SHROOM3: variants seen among roughly 807,000 people sequenced by gnomAD.
SHROOM3 encodes shroom family member 3, also known as protein Shroom3.
In SHROOM3, 47 loss-of-function variants were observed where a neutral mutation model predicts 138.6. The observed-to-expected ratio is 0.34, with a 90% CI of 0.27 to 0.43. SHROOM3 has a LOEUF of 0.43. SHROOM3 is among the 20% of genes least tolerant of loss of function. The pLI, the probability that SHROOM3 is intolerant of heterozygous loss-of-function variation, is 1.00. For synonymous variants in SHROOM3, 1,062 were observed against 1,063.3 expected (o/e 1.00, Z 0.02); for missense variants, 2,491 against 2,596.5 (o/e 0.96, Z 0.88).
intron 1 of SHROOM3, among the ~76,000 whole-genome samples, chr4:76,481,219 A>G (rs1731601840): frequency 6.6e-6 from 1 of 151,636 alleles, no homozygotes; most frequent in Admixed American, 6.6e-5. Flanking sequence ...ACATTAACAA[A>G]ATAGACTGCT....
At chr4:76,584,813 G>A (rs1226317804) in intron 2 of SHROOM3, among the ~76,000 whole-genome samples, 1 of 152,092 alleles carries the variant, frequency 6.6e-6, no homozygotes, top group African/African-American at 2.4e-5. Context: ...GTGGGGAGAG[G>A]AAAACATAAA....
At chr4:76,533,537 G>A (rs1732875976) in intron 1 of SHROOM3, among the ~76,000 whole-genome samples, 1 of 152,178 alleles carries the variant, frequency 6.6e-6, no homozygotes, top group Admixed American at 6.5e-5. Flanking sequence ...GCAATTGTGG[G>A]AAGAGGACAG....
intron 2 of SHROOM3, among the ~76,000 whole-genome samples, chr4:76,692,710 C>T (rs113435921): frequency 5.9e-5 from 9 of 152,118 alleles, no homozygotes; most frequent in African/African-American, 2.2e-4. Flanking sequence ...ATACAAAAAC[C>T]TGGATGAGTC....
intron 2 of SHROOM3, among the ~76,000 whole-genome samples, chr4:76,678,712 G>C (rs914727597): frequency 6.6e-6 from 1 of 152,136 alleles, no homozygotes; most frequent in African/African-American, 2.4e-5. Context: ...TCAGGCTGGA[G>C]TGCAATGGCG....
rs770302528 is a variant in SHROOM3 at position 76,754,634 on chromosome 4, C to T, written c.4151C>T (p.Ala1384Val). The T allele has an allele frequency of 6.2e-7, 1 of 1,614,166 alleles. No individual in the cohort carries two copies. The highest frequency in any genetic ancestry group is 8.5e-7 in the Non-Finnish European group (1 of 1,180,010). Residue 1384 changes from alanine to valine, a missense_variant, in exon 7 of 11, where the codon GCC becomes GTC. Ala to Val is a moderately conservative substitution (Grantham distance 64). This residue lies in a region of SHROOM3 where 1,733 missense variants were observed against 1,661.6 expected (regional missense o/e 1.04). Transcript: ENST00000296043. ...GRQPLPPYTP[A>V]MMHRSNGHTL... ...CAGCCTCTCCCGCCCTACACCCCTG[C>T]CATGATGCACAGAAGCAATGGTCAC...
At chr4:76,573,940 C>T (rs533686142) in intron 2 of SHROOM3, among the ~76,000 whole-genome samples, 3 of 152,104 alleles carry the variant, frequency 2.0e-5, no homozygotes, top group East Asian at 3.9e-4. Flanking sequence ...CTAGAGACCT[C>T]GAAATTGAGC....
At chr4:76,512,916 C>T (rs1233399774) in intron 1 of SHROOM3, among the ~76,000 whole-genome samples, 1 of 152,146 alleles carries the variant, frequency 6.6e-6, no homozygotes, top group East Asian at 1.9e-4. Context: ...TGGATCATAA[C>T]CAACTTCTTT....
intron 1 of SHROOM3, among the ~76,000 whole-genome samples, chr4:76,479,472 G>A (rs1489256787): frequency 1.3e-5 from 2 of 151,982 alleles, no homozygotes; most frequent in African/African-American, 4.8e-5. Context: ...CCAAAAAATA[G>A]GGGACTATGT....
chr4:76,537,784 C>T (rs930746527), intron 1 of SHROOM3, among the ~76,000 whole-genome samples: 7 of 152,158 alleles, frequency 4.6e-5, no homozygotes, highest in African/African-American at 9.7e-5. Flanking sequence ...TCTATTCTGC[C>T]GCCTTGCTCC....
chr4:76,628,146 A>G (rs1735201523), intron 2 of SHROOM3, among the ~76,000 whole-genome samples: 1 of 152,244 alleles, frequency 6.6e-6, no homozygotes, highest in Non-Finnish European at 1.5e-5. Flanking sequence ...GGCTTTAAAA[A>G]GTTTTAGAAA....
chr4:76,662,995 T>A (rs1718582056), intron 2 of SHROOM3, among the ~76,000 whole-genome samples: 1 of 152,104 alleles, frequency 6.6e-6, no homozygotes, highest in African/African-American at 2.4e-5. Context: ...CTGAGAGCCA[T>A]GTCTCTAGAT....
rs969825956 is a variant in SHROOM3, at chr4:76,757,953, T to A, written c.5198+1016T>A. On this transcript the variant is annotated intron_variant, in intron 8 of 10. Coordinates refer to ENST00000296043, the MANE Select transcript of SHROOM3 (RefSeq NM_020859.4). The stretch of plus-strand genomic sequence containing the variant: ...TTTATCCAAATTTGGGATTGCATTT[T>A]AAAAATTTCCAACTGATCCTAACTA... 2.0e-5 allele frequency: 3 copies of A among 152,172 alleles called. No homozygotes were observed. The South Asian group carries it at 6.2e-4, about 32-fold the overall frequency. 9.4% of individuals were successfully genotyped at this position (152,172 alleles called of 1,614,324 possible). A position where few individuals can be genotyped will look rare whatever the true frequency, so the allele number is the denominator to read the frequency against.
intron 2 of SHROOM3, among the ~76,000 whole-genome samples, chr4:76,596,581 A>AACACACACACACACACACAC (rs58214296): frequency 2.9e-5 from 4 of 138,134 alleles, no homozygotes; most frequent in East Asian, 2.2e-4. Context: ...GGTACAGAGA[A>AACACACACACACACACACAC]ACACACACAC....
chr4:76,754,523 G>A lies in SHROOM3; in HGVS notation c.4040G>A (p.Arg1347Lys). 1 of 1,613,734 alleles carries A rather than the reference G, an allele frequency of 6.2e-7. No individual in the cohort carries two copies. The highest frequency in any genetic ancestry group is 8.5e-7 in the Non-Finnish European group (1 of 1,179,744). The change falls in exon 7 of 11, where the codon AGG becomes AAG. Residue 1347 changes from arginine to lysine, a missense_variant. Physicochemically the swap from Arg to Lys is conservative, Grantham distance 26. Transcript: ENST00000296043. ...AGTQGLVTDTRAAPLTPIGTP... is the reference protein window; with the variant it reads ...AGTQGLVTDTKAAPLTPIGTP... ...ACGCAAGGGCTGGTCACAGACACCA[G>A]GGCTGCACCCCTGACCCCAATTGGC... is the stretch of plus-strand genomic sequence containing the variant.
At chr4:76,734,030 G>A (rs1446391224) in intron 4 of SHROOM3, among the ~76,000 whole-genome samples, 1 of 152,072 alleles carries the variant, frequency 6.6e-6, no homozygotes, top group Admixed American at 6.5e-5. Flanking sequence ...AAGTTATGTA[G>A]TCTAGCCCCC....
chr4:76,543,135 G>C (rs1253756245), intron 1 of SHROOM3, among the ~76,000 whole-genome samples: 1 of 152,240 alleles, frequency 6.6e-6, no homozygotes, highest in African/African-American at 2.4e-5. Context: ...TAACAGACTA[G>C]TGGGGGGCAC....
At chr4:76,557,312 G>A (rs4348122) in intron 2 of SHROOM3, among the ~76,000 whole-genome samples, 36,986 of 151,108 alleles carry the variant, frequency 0.24, 5,182 homozygotes, top group African/African-American at 0.39. Context: ...GCCATTTGCA[G>A]CAATGTAGAT....
chr4:76,584,953 T>C (rs781407341), intron 2 of SHROOM3, among the ~76,000 whole-genome samples: 10 of 152,152 alleles, frequency 6.6e-5, no homozygotes, highest in Non-Finnish European at 1.3e-4. Flanking sequence ...CCCATTCCTA[T>C]CCCACATTTG....
chr4:76,723,432 C>G (rs1267190048), intron 3 of SHROOM3, among the ~76,000 whole-genome samples: 1 of 152,158 alleles, frequency 6.6e-6, no homozygotes, highest in Non-Finnish European at 1.5e-5. Context: ...TTAATTATTT[C>G]TTATCATTTA....
Sources: allele counts gnomAD v4.1 joint callset (sites outside exome capture counted in the v4.1 genomes callset), GRCh38; gene constraint gnomAD v4.1.1; regional missense constraint gnomAD v4.1.1; transcripts MANE v1.5; gene names NCBI Gene and HGNC (gene_info 2026-07-23, HGNC 2026-07-21).